RUNX1T1: variants seen among roughly 807,000 people sequenced by gnomAD.
RUNX1T1 encodes the protein protein CBFA2T1.
In RUNX1T1, 4 loss-of-function variants were observed where a neutral mutation model predicts 62.8. The ratio of observed to expected loss-of-function variants is 0.06; its 90% CI spans 0.03 to 0.15. RUNX1T1 has a LOEUF of 0.15. Among genes scored for constraint, RUNX1T1 ranks in the 10% least tolerant of loss-of-function variants. The pLI is 1.00. For missense variants in RUNX1T1, 508 were observed against 754.3 expected, an observed-to-expected ratio of 0.67 and a Z score of 3.82; for synonymous variants, 291 against 286.0, an observed-to-expected ratio of 1.02 and a Z score of -0.18.
intron 1 of RUNX1T1, among the ~76,000 whole-genome samples, chr8:92,055,636 G>GTATT (rs1563860405): frequency 6.6e-6 from 1 of 152,046 alleles, no homozygotes; most frequent in African/African-American, 2.4e-5. Flanking sequence ...GCAAACACTG[G>GTATT]TATATAAAGA....
At chr8:92,103,076 G>T, upstream of RUNX1T1, 1 of 470,048 alleles carries the variant, frequency 2.1e-6, no homozygotes, top group Non-Finnish European at 3.5e-6. Flanking sequence ...TGCGCAGAGA[G>T]AGCTGCCGTG....
chr8:92,014,862 G>T, intron 2 of RUNX1T1, 42 bp from the exon 4 acceptor site: 1 of 1,559,592 alleles, frequency 6.4e-7, no homozygotes, highest in East Asian at 2.3e-5. Flanking sequence ...TAAACTTACA[G>T]AGAACATGCA....
chr8:92,025,787 TC>T (rs1226974214), intron 1 of RUNX1T1, among the ~76,000 whole-genome samples: 3 of 152,170 alleles, frequency 2.0e-5, no homozygotes, highest in Non-Finnish European at 4.4e-5. Context: ...CCTCTCATCA[TC>T]CAAAAAGAAT....
chr8:92,060,206 A>G (rs1397532819), intron 1 of RUNX1T1, among the ~76,000 whole-genome samples: 2 of 152,144 alleles, frequency 1.3e-5, no homozygotes, highest in African/African-American at 2.4e-5. Flanking sequence ...ATTTCTTTAT[A>G]ATGAGTTAAA....
chr8:91,978,687 A>C (rs1230927894), intron 8 of RUNX1T1, among the ~76,000 whole-genome samples: 1 of 152,180 alleles, frequency 6.6e-6, no homozygotes, highest in Non-Finnish European at 1.5e-5. Flanking sequence ...CTTAGATGAC[A>C]CTTTCAAAAA....
In RUNX1T1 at chr8:92,095,254, G is replaced by GGAGAGAGA. The variant is rs1171504388; in HGVS notation, c.-86+4318_-86+4325dup. The GGAGAGAGA allele has an allele frequency of 1.7e-4, 265 of 1,523,202 alleles. No homozygotes were observed. The East Asian group carries it at 6.4e-3, about 37-fold the overall frequency. 94.4% of individuals were successfully genotyped at this position (1,523,202 alleles called of 1,614,324 possible). A position where few individuals can be genotyped will look rare whatever the true frequency, so the allele number is the denominator to read the frequency against. ...CTGAATCATTTGGAAAGGGAGAGAG[G>GGAGAGAGA]GAGAGAGAAAAGCCGCCTCCCCACG... On this transcript the variant is annotated intron_variant, in intron 1 of 11. Coordinates refer to the RUNX1T1 transcript ENST00000265814.
At chr8:92,008,281 G>C (rs983525651) in intron 4 of RUNX1T1, among the ~76,000 whole-genome samples, 6 of 151,864 alleles carry the variant, frequency 4.0e-5, no homozygotes, top group Non-Finnish European at 7.4e-5. Context: ...ATGAGGAAGC[G>C]GGGGGGAAGT....
chr8:91,995,590 C>G (rs1269883061), intron 5 of RUNX1T1, among the ~76,000 whole-genome samples: 1 of 152,158 alleles, frequency 6.6e-6, no homozygotes, highest in Non-Finnish European at 1.5e-5. Context: ...GAGTTTAAGA[C>G]CAGCCTGGGC....
At chr8:91,961,815 T>G (rs1810512723) in intron 10 of RUNX1T1, among the ~76,000 whole-genome samples, 1 of 152,250 alleles carries the variant, frequency 6.6e-6, no homozygotes, top group Non-Finnish European at 1.5e-5. Flanking sequence ...TTCATTGGTT[T>G]TGATTATGTC....
At chr8:92,051,342 TAGG>T (rs762039631) in intron 1 of RUNX1T1, among the ~76,000 whole-genome samples, 1 of 152,060 alleles carries the variant, frequency 6.6e-6, no homozygotes, top group Non-Finnish European at 1.5e-5. Flanking sequence ...GTTCAATCTA[TAGG>T]AGGACAACCA....
At chr8:92,047,622 A>C (rs572000273) in intron 1 of RUNX1T1, among the ~76,000 whole-genome samples, 2 of 152,232 alleles carry the variant, frequency 1.3e-5, no homozygotes, top group South Asian at 4.1e-4. Flanking sequence ...GAGTTCAATA[A>C]ATACTTGCTG....
chr8:92,080,471 G>A (rs1835077069), intron 1 of RUNX1T1, among the ~76,000 whole-genome samples: 1 of 152,206 alleles, frequency 6.6e-6, no homozygotes, highest in South Asian at 2.1e-4. Context: ...GTCCCACACT[G>A]AGCAGCAGGA....
intron 1 of RUNX1T1, among the ~76,000 whole-genome samples, chr8:92,034,707 T>C (rs1048258036): frequency 1.3e-5 from 2 of 151,348 alleles, no homozygotes; most frequent in East Asian, 1.9e-4. Context: ...TGTATACATA[T>C]ATATACACAT....
At chr8:92,000,646 T>A (rs1819582220) in intron 5 of RUNX1T1, among the ~76,000 whole-genome samples, 1 of 152,248 alleles carries the variant, frequency 6.6e-6, no homozygotes, top group African/African-American at 2.4e-5. Flanking sequence ...TGGTGTGTAC[T>A]GTCATAACAA....
At chr8:92,010,048 T>G (rs766533650) in intron 4 of RUNX1T1, 21 of 152,224 alleles carry the variant, frequency 1.4e-4, no homozygotes, top group African/African-American at 4.8e-4. Context: ...CTTATGTGTC[T>G]GATACAGTTT....
At chr8:91,999,130 T>G (rs922912499) in intron 5 of RUNX1T1, among the ~76,000 whole-genome samples, 1 of 152,192 alleles carries the variant, frequency 6.6e-6, no homozygotes, top group African/African-American at 2.4e-5. Flanking sequence ...AGGGCAGACT[T>G]TAATTCTTTA....
intron 8 of RUNX1T1, among the ~76,000 whole-genome samples, chr8:91,980,149 C>G (rs1814902019): frequency 6.6e-6 from 1 of 152,152 alleles, no homozygotes; most frequent in Non-Finnish European, 1.5e-5. Flanking sequence ...ATACTTAATG[C>G]TCCAGGAAGT....
intron 5 of RUNX1T1, among the ~76,000 whole-genome samples, chr8:92,001,136 G>A (rs929393606): frequency 4.6e-5 from 7 of 151,928 alleles, no homozygotes; most frequent in Non-Finnish European, 1.0e-4. Flanking sequence ...GACCAGCCTG[G>A]GCAACATAGC....
intron 10 of RUNX1T1, among the ~76,000 whole-genome samples, chr8:91,961,994 A>G (rs2130451442): frequency 6.6e-6 from 1 of 152,318 alleles, no homozygotes; most frequent in East Asian, 1.9e-4. Flanking sequence ...GGCTTAAGGT[A>G]AGCTCATGAG....
Sources: allele counts gnomAD v4.1 joint callset (sites outside exome capture counted in the v4.1 genomes callset), GRCh38; gene constraint gnomAD v4.1.1; transcripts MANE v1.5; gene names NCBI Gene and HGNC (gene_info 2026-07-23, HGNC 2026-07-21).